Variants in TCFL5 observed in about 807,000 individuals in gnomAD.
TCFL5 encodes transcription factor-like 5 protein.
Under a neutral mutation model 44.3 loss-of-function variants are expected in TCFL5, and 9 were observed. That is an observed-to-expected ratio of 0.20 (90% CI 0.12 to 0.35). The LOEUF is 0.35. Among genes scored for constraint, TCFL5 ranks in the 10% least tolerant of loss-of-function variants. The pLI is 1.00. For synonymous variants in TCFL5, 319 were observed against 271.6 expected (o/e 1.17, Z -1.72); for missense variants, 603 against 613.4 (o/e 0.98, Z 0.18).
At chr20:62,859,171 G>C (rs574206319) in intron 3 of TCFL5, among the ~76,000 whole-genome samples, 193 bp downstream of exon 3, 1 of 152,310 alleles carries the variant, frequency 6.6e-6, no homozygotes, top group Admixed American at 6.5e-5. Flanking sequence ...AATTATGTTT[G>C]AGAATCAGAA....
At chr20:62,845,069 A>G (rs2063723931) in intron 5 of TCFL5, 1 of 982,266 alleles carries the variant, frequency 1.0e-6, no homozygotes, top group Non-Finnish European at 1.2e-6. Context: ...ATTTCCAACT[A>G]CTGTGTGCAC....
intron 5 of TCFL5, chr20:62,851,676 C>T (rs1273059217): frequency 4.1e-6 from 4 of 985,264 alleles, no homozygotes; most frequent in Non-Finnish European, 4.8e-6. Flanking sequence ...ATGCAACTCG[C>T]AAGATGTAAA....
In TCFL5 at chr20:62,857,603, G is replaced by A. The variant is rs749466366; in HGVS notation, c.1030C>T (p.Arg344Trp). 4 of 1,614,206 alleles carry A rather than the reference G, an allele frequency of 2.5e-6. No homozygotes were observed. Among genetic ancestry groups the A allele is most frequent in the Admixed American group, 1.7e-5 (1 of 60,032 alleles). ...ALCKQALKRN[R>W]SRMRQLDTNV... ...GTGTCCAACTGACGCATTCTACTCC[G>A]ATTCCTCTTCAGTGCTTGTTTGCAT... Residue 344 changes from arginine (R) to tryptophan (W), a missense_variant, in exon 4 of 6, where the codon CGG (arginine) becomes TGG (tryptophan). Arg to Trp is a moderately radical substitution (Grantham distance 101). Coordinates refer to ENST00000335351, the MANE Select transcript of TCFL5 (RefSeq NM_006602.4).
At chr20:62,855,110 T>C (rs1375637483) in intron 4 of TCFL5, among the ~76,000 whole-genome samples, 1 of 152,228 alleles carries the variant, frequency 6.6e-6, no homozygotes, top group Non-Finnish European at 1.5e-5. Flanking sequence ...AGGAAGGCCC[T>C]CAGTTAGTCC....
rs11696252 is a variant in TCFL5 at position 62,859,468 on chromosome 20, G to A, written c.890C>T (p.Pro297Leu). Residue 297 changes from proline to leucine, a missense_variant, in exon 3 of 6, where the codon CCT (proline) becomes CTT (leucine). Pro to Leu is a moderately conservative substitution (Grantham distance 98). Transcript: ENST00000335351. ...EAAKHQDIGL[P>L]RAFSFCYQQE... ...CTGATAACAGAAAGAAAATGCTCTA[G>A]GCAATCCAATATCCTGGTGCTTGGC... 6 of 1,614,090 alleles carry A rather than the reference G, an allele frequency of 3.7e-6. No homozygotes were observed. The South Asian group carries it at 4.4e-5, about 12-fold the overall frequency.
intron 5 of TCFL5, among the ~76,000 whole-genome samples, chr20:62,853,499 G>A (rs896520352): frequency 2.0e-5 from 3 of 151,758 alleles, no homozygotes; most frequent in Admixed American, 1.3e-4. Flanking sequence ...ACAGGCATAC[G>A]CCACCACACC....
At chr20:62,859,894 G>C (rs1337861770) in intron 2 of TCFL5, among the ~76,000 whole-genome samples, 2 of 151,734 alleles carry the variant, frequency 1.3e-5, no homozygotes, top group East Asian at 3.9e-4. Context: ...GTTAATTTTC[G>C]TACGGGGTTT....
chr20:62,851,882 T>C (rs1229127224), intron 5 of TCFL5: 1 of 945,658 alleles, frequency 1.1e-6, no homozygotes. Context: ...CTATCTTGGC[T>C]CATTGCAACC....
At position 62,842,873 on chromosome 20, in the gene TCFL5, G is replaced by C. The variant is rs1459999030; in HGVS notation, c.1381-776C>G. ...CACTGCCACACACTCAGGGTTCCAA[G>C]GCCAGCAAGGTGGAGGTGCTGCTCG... On this transcript the variant is annotated intron_variant, in intron 5 of 5. Transcript: ENST00000335351. The surrounding 1 kb of genome is among the most constrained non-coding windows in gnomAD (Gnocchi z 4.3). 6.6e-6 allele frequency among the ~76,000 whole-genome samples: 1 copy of C among 152,238 alleles called. No homozygotes were observed.
intron 5 of TCFL5, chr20:62,845,708 T>C (rs772666267): frequency 1.3e-5 from 21 of 1,606,594 alleles, no homozygotes; most frequent in African/African-American, 4.0e-5. Context: ...ACTTCCAATA[T>C]GACGAGGACT....
At position 62,861,662 on chromosome 20, in the gene TCFL5, G is replaced by C. The variant is rs999656206; in HGVS notation, c.9C>G (p.Gly3=). 6.4e-6 allele frequency: 5 copies of C among 784,876 alleles called. No homozygotes were observed. Among genetic ancestry groups the C allele is most frequent in the Non-Finnish European group, 7.7e-6 (5 of 648,752 alleles). The allele number at this position is 784,876 out of a possible 1,614,324, so 48.6% of individuals were successfully genotyped here. A position where few individuals can be genotyped will look rare whatever the true frequency, so the allele number is the denominator to read the frequency against. ...CCGGCGGCGGCTCCCGCGGTCCGGG[G>C]CCCGACATGGCGGCGCGGCGCGGCC... MS[G]PGPREPPPEA... The change falls in exon 1 of 6, where the codon GGC becomes GGG. Residue 3 remains glycine, a synonymous_variant. Transcript: ENST00000335351. This position sits in a 1 kb window ranked among gnomAD's most constrained non-coding sequence, Gnocchi z 4.0.
At position 62,861,536 on chromosome 20, in the gene TCFL5, G is replaced by A. The variant is rs2147308846; in HGVS notation, c.135C>T (p.Ser45=). The change falls in exon 1 of 6, where the codon AGC becomes AGT. Residue 45 remains serine, a synonymous_variant. Transcript: ENST00000335351. This position sits in a 1 kb window ranked among gnomAD's most constrained non-coding sequence, Gnocchi z 4.0. ...ACTCCACCTCCGTCATCTCCACCAG[G>A]CTCAGGTCGGTGGTCGTGAAGCTCA... is the stretch of plus-strand genomic sequence containing the variant. ...PGLSFTTTDL[S]LVEMTEVEYT... 4 of 1,162,924 alleles carry A rather than the reference G, an allele frequency of 3.4e-6. No homozygotes were observed. The highest frequency in any genetic ancestry group is 4.6e-5 in the East Asian group (1 of 21,590). 72.0% of individuals were successfully genotyped at this position (1,162,924 alleles called of 1,614,324 possible). A position where few individuals can be genotyped will look rare whatever the true frequency, so the allele number is the denominator to read the frequency against.
intron 5 of TCFL5, chr20:62,851,893 T>C (rs2063814869): frequency 4.4e-6 from 4 of 914,526 alleles, no homozygotes; most frequent in Non-Finnish European, 5.2e-6. Context: ...CATTGCAACC[T>C]CCGCCTCCCG....
At position 62,860,080 on chromosome 20, in the gene TCFL5, C is replaced by G. The variant is rs151269061; in HGVS notation, c.831+45G>C. On this transcript the variant is annotated intron_variant, in intron 2 of 5. Transcript: ENST00000335351. ...CTAACCAAAATAAGTTAAAATTTACCCATTTAATACAAAAGAGCAAAGCTT... is the reference window on the plus strand; with the variant it reads ...CTAACCAAAATAAGTTAAAATTTACGCATTTAATACAAAAGAGCAAAGCTT... 400 of 1,539,970 alleles carry G rather than the reference C, an allele frequency of 2.6e-4. No homozygotes were observed. The African/African-American group carries it at 4.8e-3, about 18-fold the overall frequency.
At chr20:62,848,321 G>A (rs1600834167) in intron 5 of TCFL5, among the ~76,000 whole-genome samples, 4 of 152,214 alleles carry the variant, frequency 2.6e-5, no homozygotes, top group South Asian at 2.1e-4. Context: ...CACAACCAGC[G>A]CCCCAGACGC....
intron 5 of TCFL5, among the ~76,000 whole-genome samples, chr20:62,853,046 C>T (rs750476792): frequency 1.4e-4 from 21 of 150,860 alleles, no homozygotes; most frequent in East Asian, 9.8e-4. Flanking sequence ...CATAGTCACC[C>T]GGTCCACAGA....
intron 5 of TCFL5, chr20:62,852,392 T>C: frequency 1.0e-6 from 1 of 983,924 alleles, no homozygotes; most frequent in Non-Finnish European, 1.2e-6. Flanking sequence ...CCCAGAACCC[T>C]GGAACTGGGG....
rs1568771609 is a variant in TCFL5, at chr20:62,842,199, T to G, written c.1381-102A>C. The G allele has an allele frequency of 1.4e-5, 21 of 1,455,448 alleles. No homozygotes were observed. The highest frequency in any genetic ancestry group is 9.4e-7 in the Non-Finnish European group (1 of 1,066,456). 90.2% of individuals were successfully genotyped at this position (1,455,448 alleles called of 1,614,324 possible). A position where few individuals can be genotyped will look rare whatever the true frequency, so the allele number is the denominator to read the frequency against. On this transcript the variant is annotated intron_variant, in intron 5 of 5. Transcript: ENST00000335351. The surrounding 1 kb of genome is among the most constrained non-coding windows in gnomAD (Gnocchi z 4.3). ...CAAATTAAGAGCTAAGTAAATGACT[T>G]TAGAATACGCTGTTTTAAGGTGTCA...
intron 3 of TCFL5, among the ~76,000 whole-genome samples, chr20:62,857,855 A>G (rs2063918992): frequency 6.6e-6 from 1 of 152,214 alleles, no homozygotes; most frequent in Non-Finnish European, 1.5e-5. Flanking sequence ...ACAAGAATCA[A>G]TCATCACACT....
Sources: allele counts gnomAD v4.1 joint callset (sites outside exome capture counted in the v4.1 genomes callset), GRCh38; gene constraint gnomAD v4.1.1; non-coding constraint Gnocchi (gnomAD v3.1); transcripts MANE v1.5; gene names NCBI Gene and HGNC (gene_info 2026-07-23, HGNC 2026-07-21).